Variants in PCAT7 observed in about 807,000 individuals in gnomAD.
PCAT7 encodes prostate cancer associated transcript 7 (non-protein coding).
chr9:94,567,259 T>G lies in PCAT7; in HGVS notation n.442-5720T>G, dbSNP rs7036264. 0.015 allele frequency: 24,228 copies of G among 1,613,914 alleles called. 3,000 individuals are homozygous for G. In the African/African-American group the frequency reaches 0.28, roughly 18 times the overall value. On this transcript the variant is annotated intron_variant and non_coding_transcript_variant, in intron 2 of 8. Transcript: ENST00000647389. The stretch of plus-strand genomic sequence containing the variant: ...ATTCTGTCTGCCACCCACCTGGCTT[T>G]CTTCACTCACCTCAGGGAATTTCTT...
At chr9:94,566,656 G>A in intron 2 of PCAT7, among the ~76,000 whole-genome samples, 1 of 152,124 alleles carries the variant, frequency 6.6e-6, no homozygotes, top group Admixed American at 6.5e-5. Flanking sequence ...GCTCTGCTGG[G>A]TTAGGGTCTC....
At chr9:94,556,007 G>T (rs1827003861) in intron 1 of PCAT7, among the ~76,000 whole-genome samples, 1 of 150,690 alleles carries the variant, frequency 6.6e-6, no homozygotes, top group Admixed American at 6.6e-5. Flanking sequence ...GGTAGATGGG[G>T]AAAAGAGGGA....
chr9:94,562,115 T>G (rs546559312), intron 2 of PCAT7, among the ~76,000 whole-genome samples: 6 of 151,868 alleles, frequency 4.0e-5, no homozygotes, highest in South Asian at 2.1e-4. Flanking sequence ...ATCGAGACCA[T>G]CCTGGCTAAC....
chr9:94,571,476 AGAG>A, intron 2 of PCAT7: 1 of 1,612,226 alleles, frequency 6.2e-7, no homozygotes. Context: ...TCAAGCATGA[AGAG>A]GTCCACGCCT....
intron 2 of PCAT7, chr9:94,570,195 G>A (rs1213572897): frequency 1.3e-5 from 2 of 152,324 alleles, no homozygotes; most frequent in Admixed American, 1.3e-4. Flanking sequence ...GGGAATCTTT[G>A]AATTGGGTCC....
chr9:94,559,223 C>T (rs1440772366), intron 2 of PCAT7: 13 of 1,172,442 alleles, frequency 1.1e-5, no homozygotes, highest in South Asian at 4.4e-5. Context: ...GTTTGTACTG[C>T]GGTGCTTCCA....
intron 2 of PCAT7, chr9:94,568,305 C>G (rs1827223100): frequency 6.6e-6 from 1 of 152,156 alleles, no homozygotes; most frequent in South Asian, 2.1e-4. Flanking sequence ...AATCCTCAGA[C>G]ATATTAATAA....
Position 94,564,952 on chromosome 9 carries a change from A to G in PCAT7, n.441+5800A>G, listed in dbSNP as rs1433281213. On this transcript the variant is annotated intron_variant and non_coding_transcript_variant, in intron 2 of 8. Coordinates refer to ENST00000647389, the Ensembl canonical transcript of PCAT7. ...AAGGAGGATATTGAATGTTCCCAAC[A>G]CAAAGAAATAATAAATGTCTGAGAT... 2.6e-5 allele frequency among the ~76,000 whole-genome samples: 4 copies of G among 152,244 alleles called. No individual in the cohort carries two copies. The East Asian group carries it at 7.7e-4, about 29-fold the overall frequency.
chr9:94,565,688 AAAG>A (rs1827176220), intron 2 of PCAT7, among the ~76,000 whole-genome samples: 3 of 33,694 alleles, frequency 8.9e-5, no homozygotes, highest in Non-Finnish European at 2.0e-4. Context: ...TTTGCTCTAT[AAAG>A]AAAAGCTACG....
chr9:94,558,939 T>C lies in PCAT7; in HGVS notation n.258-30T>C, dbSNP rs77568573. On this transcript the variant is annotated intron_variant and non_coding_transcript_variant, in intron 1 of 8. Transcript: ENST00000647389. Reference sequence around the variant, plus strand: ...AGAGGGCATGTGGGGTCAAACTCGCTAGCTGCCTGCCTGATTTTTCTGCAC... The same window carrying C: ...AGAGGGCATGTGGGGTCAAACTCGCCAGCTGCCTGCCTGATTTTTCTGCAC... The C allele has an allele frequency of 2.0e-3, 3,230 of 1,614,060 alleles. 56 individuals carry two copies. In the African/African-American group the frequency reaches 0.038, roughly 19 times the overall value.
intron 1 of PCAT7, among the ~76,000 whole-genome samples, chr9:94,558,376 G>A (rs1230784738): frequency 6.6e-6 from 1 of 152,084 alleles, no homozygotes; most frequent in East Asian, 1.9e-4. Flanking sequence ...CTCACTGCAA[G>A]CTCTGCCTCC....
chr9:94,557,337 T>C (rs1047162800), intron 1 of PCAT7, among the ~76,000 whole-genome samples: 6 of 152,356 alleles, frequency 3.9e-5, no homozygotes, highest in African/African-American at 1.4e-4. Context: ...TTAACATTCT[T>C]CTAGTGCATG....
At chr9:94,559,864 C>T (rs1827068586) in intron 2 of PCAT7, among the ~76,000 whole-genome samples, 1 of 152,016 alleles carries the variant, frequency 6.6e-6, no homozygotes, top group East Asian at 1.9e-4. Flanking sequence ...GTGTTGGCTC[C>T]GGCCTGTAAT....
chr9:94,562,931 A>G (rs993775768), intron 2 of PCAT7, among the ~76,000 whole-genome samples: 3 of 152,182 alleles, frequency 2.0e-5, no homozygotes, highest in Non-Finnish European at 4.4e-5. Context: ...TGTAATTTGT[A>G]TGTAATGTGT....
rs565633617 is a variant in PCAT7 at position 94,562,725 on chromosome 9, TA to T, written n.441+3574del. 5.0e-3 allele frequency among the ~76,000 whole-genome samples: 759 copies of T among 152,320 alleles called. 4 individuals carry two copies. The highest frequency in any genetic ancestry group is 0.021 in the South Asian group (102 of 4,824). ...TTTTTATGGGAGGTTCTCTGCAAGA[TA>T]GCTGGATCATAAGGTTCTCACTTGA... On this transcript the variant is annotated intron_variant and non_coding_transcript_variant, in intron 2 of 8. Coordinates refer to ENST00000647389, the Ensembl canonical transcript of PCAT7.
At chr9:94,569,260 T>G (rs1827238503) in intron 2 of PCAT7, 1 of 152,320 alleles carries the variant, frequency 6.6e-6, no homozygotes, top group Non-Finnish European at 1.5e-5. Context: ...GGGGGTGGTG[T>G]CCAGGCCAGA....
intron 1 of PCAT7, chr9:94,558,767 A>G: frequency 1.6e-6 from 1 of 625,384 alleles, no homozygotes; most frequent in East Asian, 2.9e-5. Flanking sequence ...TGACCATAGA[A>G]TCGCCTGTGG....
chr9:94,559,156 A>T, intron 2 of PCAT7: 1 of 1,599,250 alleles, frequency 6.3e-7, no homozygotes, highest in Non-Finnish European at 8.5e-7. Context: ...GAGGCAGGTG[A>T]GTAAACTCTG....
chr9:94,558,442 C>CA (rs1827040236), intron 1 of PCAT7, among the ~76,000 whole-genome samples: 1 of 152,022 alleles, frequency 6.6e-6, no homozygotes, highest in East Asian at 1.9e-4. Context: ...CTACAGGCGC[C>CA]CGCCACCACG....
Sources: allele counts gnomAD v4.1 joint callset (sites outside exome capture counted in the v4.1 genomes callset), GRCh38; gene constraint gnomAD v4.1.1; transcripts MANE v1.5; gene names NCBI Gene and HGNC (gene_info 2026-07-23, HGNC 2026-07-21).